The following CYS1 variants were observed in gnomAD, a reference collection of about 807,000 sequenced individuals.
CYS1 encodes the protein cystin 1.
CYS1 carries 5 observed loss-of-function variants against 9.6 expected under a neutral mutation model. The observed-to-expected ratio is 0.52, with a 90% CI of 0.27 to 1.10. The LOEUF (loss-of-function observed/expected upper bound fraction) is 1.10, where lower values mean the gene tolerates loss of function less well. Among genes scored for constraint, CYS1 ranks in the 50% least tolerant of loss-of-function variants. CYS1 has a pLI of 0.11. For synonymous variants in CYS1, 88 were observed against 95.7 expected (o/e 0.92, Z 0.47); for missense variants, 221 against 207.9 (o/e 1.06, Z -0.39).
At chr2:10,059,219 G>A (rs1421180869) in intron 2 of CYS1, among the ~76,000 whole-genome samples, 2 of 152,282 alleles carry the variant, frequency 1.3e-5, no homozygotes, top group Non-Finnish European at 2.9e-5. Context: ...CGGGCTCTGG[G>A]GTGGGAAGAC....
chr2:10,059,033 A>T, intron 2 of CYS1, 75 bp from the exon 3 acceptor site: 1 of 1,383,776 alleles, frequency 7.2e-7, no homozygotes, highest in Non-Finnish European at 9.9e-7. Flanking sequence ...TGGCCACCAC[A>T]ATGGCTCCTA....
At chr2:10,071,089 C>T (rs1460019318) in intron 1 of CYS1, among the ~76,000 whole-genome samples, 1 of 152,136 alleles carries the variant, frequency 6.6e-6, no homozygotes, top group Admixed American at 6.6e-5. Flanking sequence ...CCTCAGCCTC[C>T]CGAGTAGCTG....
chr2:10,059,095 G>C, intron 2 of CYS1, 137 bp from the exon 3 acceptor site: 1 of 749,304 alleles, frequency 1.3e-6, no homozygotes, highest in Non-Finnish European at 2.2e-6. Context: ...GACACCCTGT[G>C]GCGCTCTCGC....
intron 2 of CYS1, among the ~76,000 whole-genome samples, chr2:10,060,620 C>A (rs953950536): frequency 6.6e-6 from 1 of 152,246 alleles, no homozygotes; most frequent in African/African-American, 2.4e-5. Context: ...TCACTGTTGA[C>A]GCCTGCAGGG....
chr2:10,071,704 T>C (rs1199257694), intron 1 of CYS1, among the ~76,000 whole-genome samples: 1 of 152,168 alleles, frequency 6.6e-6, no homozygotes, highest in East Asian at 1.9e-4. Flanking sequence ...CAGGAGGAGC[T>C]GGTATGAAAA....
At chr2:10,064,759 C>T (rs1341393284) in intron 2 of CYS1, among the ~76,000 whole-genome samples, 1 of 151,764 alleles carries the variant, frequency 6.6e-6, no homozygotes, top group East Asian at 1.9e-4. Flanking sequence ...CCTCTGTCAC[C>T]CAGGCTGGAG....
chr2:10,060,007 C>T (rs899074113), intron 2 of CYS1, among the ~76,000 whole-genome samples: 4 of 152,272 alleles, frequency 2.6e-5, no homozygotes, highest in African/African-American at 4.8e-5. Flanking sequence ...GGACCTGCCA[C>T]GGTTGTGTCG....
At chr2:10,067,306 C>A (rs1405537477) in intron 1 of CYS1, among the ~76,000 whole-genome samples, 3 of 152,120 alleles carry the variant, frequency 2.0e-5, no homozygotes, top group African/African-American at 7.2e-5. Flanking sequence ...GCGTGAGCCA[C>A]TGTGCCCAGC....
intron 1 of CYS1, among the ~76,000 whole-genome samples, chr2:10,072,861 C>G (rs368786565): frequency 2.0e-5 from 3 of 147,802 alleles, no homozygotes; most frequent in Non-Finnish European, 4.5e-5. Context: ...GGTGGAGGAG[C>G]GGTGGGGGAG....
intron 1 of CYS1, among the ~76,000 whole-genome samples, chr2:10,079,356 G>A (rs1372834556): frequency 6.6e-6 from 1 of 152,240 alleles, no homozygotes; most frequent in African/African-American, 2.4e-5. Context: ...CTGGAGCGAA[G>A]ACGGTTGCCA....
In CYS1 at chr2:10,063,940, A is replaced by C. The variant is rs1047699946; in HGVS notation, c.371+1964T>G. Among the ~76,000 whole-genome samples the C allele has an allele frequency of 6.6e-6, 1 of 152,208 alleles. No individual in the cohort carries two copies. On this transcript the variant is annotated intron_variant, in intron 2 of 2. Transcript: ENST00000381813. This position sits in a 1 kb window ranked among gnomAD's most constrained non-coding sequence, Gnocchi z 4.2. The stretch of plus-strand genomic sequence containing the variant: ...TCCCATTAAAGTATACTGAATGAAA[A>C]GGCTGGGTGCAGTGGCTCACGCCCA...
chr2:10,059,423 G>A (rs751045856), intron 2 of CYS1, among the ~76,000 whole-genome samples: 10 of 152,250 alleles, frequency 6.6e-5, no homozygotes, highest in Non-Finnish European at 8.8e-5. Flanking sequence ...ACGGCCAGGC[G>A]CAGTGGCTCA....
In CYS1 at chr2:10,076,518, G is replaced by A. The variant is rs1191835787; in HGVS notation, c.318+3388C>T. Among the ~76,000 whole-genome samples the A allele has an allele frequency of 6.6e-6, 1 of 152,120 alleles. No homozygotes were observed. Among genetic ancestry groups the A allele is most frequent in the Non-Finnish European group, 1.5e-5 (1 of 68,014 alleles). On this transcript the variant is annotated intron_variant, in intron 1 of 2. Coordinates refer to ENST00000381813, the MANE Select transcript of CYS1 (RefSeq NM_001037160.3). This position sits in a 1 kb window ranked among gnomAD's most constrained non-coding sequence, Gnocchi z 4.3. ...CAAGGACCTTGAGACCTCCCGAGTG[G>A]CTCAATTCAACCACCAGCTCTCAGG... is the stretch of plus-strand genomic sequence containing the variant.
chr2:10,069,847 T>G (rs768615087), intron 1 of CYS1, among the ~76,000 whole-genome samples: 14 of 152,166 alleles, frequency 9.2e-5, no homozygotes, highest in Non-Finnish European at 1.6e-4. Flanking sequence ...TCCAAATATC[T>G]GAAGAGCTCA....
intron 1 of CYS1, among the ~76,000 whole-genome samples, chr2:10,075,434 T>C (rs868633417): frequency 2.6e-5 from 4 of 152,372 alleles, no homozygotes; most frequent in Middle Eastern, 3.4e-3. Flanking sequence ...TCAATTGAAA[T>C]ATCACTCATT....
chr2:10,077,891 C>T (rs979806649), intron 1 of CYS1, among the ~76,000 whole-genome samples: 2 of 152,082 alleles, frequency 1.3e-5, no homozygotes, highest in Non-Finnish European at 2.9e-5. Flanking sequence ...GGGCGGGTCA[C>T]CTGAGGTCAG....
chr2:10,060,592 G>A (rs1249597079), intron 2 of CYS1, among the ~76,000 whole-genome samples: 5 of 152,240 alleles, frequency 3.3e-5, no homozygotes, highest in South Asian at 2.1e-4. Context: ...CGGCCAGTGC[G>A]CAGAAACAGC....
rs1463178722 is a variant in CYS1 at position 10,080,129 on chromosome 2, C to T, written c.95G>A (p.Gly32Asp). The T allele has an allele frequency of 5.2e-5, 54 of 1,031,078 alleles. No homozygotes were observed. Among genetic ancestry groups the T allele is most frequent in the East Asian group, 8.9e-5 (1 of 11,192 alleles). The allele number at this position is 1,031,078 out of a possible 1,614,324, so 63.9% of individuals were successfully genotyped here. A position where few individuals can be genotyped will look rare whatever the true frequency, so the allele number is the denominator to read the frequency against. The change falls in exon 1 of 3, where the codon GGC (glycine) becomes GAC (aspartate). Residue 32 changes from glycine to aspartate, a missense_variant. Physicochemically the swap from Gly to Asp is moderately conservative, Grantham distance 94. Transcript: ENST00000381813. This position sits in a 1 kb window ranked among gnomAD's most constrained non-coding sequence, Gnocchi z 6.4. ...PAGPGAAALE[G>D]GTRRRVPVAA... ...CACCGGCACCCGCCGGCGGGTCCCGCCCTCCAGGGCTGCCGCTCCGGGCCC... is the reference window on the plus strand; with the variant it reads ...CACCGGCACCCGCCGGCGGGTCCCGTCCTCCAGGGCTGCCGCTCCGGGCCC...
chr2:10,061,511 G>A (rs1367032165), intron 2 of CYS1, among the ~76,000 whole-genome samples: 1 of 152,228 alleles, frequency 6.6e-6, no homozygotes, highest in Admixed American at 6.5e-5. Flanking sequence ...GGCTCACCAG[G>A]CAGCCCCCTG....
Sources: gnomAD v4.1 joint callset for allele counts (sites outside exome capture counted in the v4.1 genomes callset) on GRCh38, gnomAD v4.1.1 for gene constraint, Gnocchi (gnomAD v3.1) non-coding constraint, MANE v1.5 for transcripts, NCBI Gene and HGNC (gene_info 2026-07-23, HGNC 2026-07-21) for gene names.